The following TBC1D22A variants were observed in gnomAD, a reference collection of about 807,000 sequenced individuals.
The protein encoded by TBC1D22A is TBC1 domain family member 22A.
In TBC1D22A, 38 loss-of-function variants were observed where a neutral mutation model predicts 60.2. The ratio of observed to expected loss-of-function variants is 0.63; its 90% confidence interval spans 0.49 to 0.83. The LOEUF is 0.83. TBC1D22A is among the 40% of genes least tolerant of loss of function. The pLI is 0.00. For synonymous variants in TBC1D22A, 302 were observed against 281.7 expected, an observed-to-expected ratio of 1.07 and a Z score of -0.72; for missense variants, 628 against 701.0, an observed-to-expected ratio of 0.90 and a Z score of 1.18.
chr22:46,963,058 C>CA (rs770317078), intron 8 of TBC1D22A, among the ~76,000 whole-genome samples: 9,091 of 136,540 alleles, frequency 0.067, 378 homozygotes, highest in Non-Finnish European at 0.1. Flanking sequence ...ACTAAAAATA[C>CA]AAAAAAAAAA....
At chr22:47,142,410 C>T (rs1323723314) in intron 12 of TBC1D22A, among the ~76,000 whole-genome samples, 1 of 69,358 alleles carries the variant, frequency 1.4e-5, no homozygotes, top group Non-Finnish European at 3.2e-5. Flanking sequence ...CATCCTGCCA[C>T]CCACCCATCC....
intron 4 of TBC1D22A, among the ~76,000 whole-genome samples, chr22:46,812,970 G>C (rs559897027): frequency 1.3e-5 from 2 of 151,982 alleles, no homozygotes; most frequent in African/African-American, 4.8e-5. Flanking sequence ...AGAGTCTGTC[G>C]TGTCCGGAGC....
chr22:47,124,397 G>A (rs1035815630), intron 12 of TBC1D22A, among the ~76,000 whole-genome samples: 5 of 152,214 alleles, frequency 3.3e-5, no homozygotes, highest in East Asian at 1.9e-4. Context: ...GCTGAGAGCC[G>A]CCTGGAGGAC....
intron 7 of TBC1D22A, among the ~76,000 whole-genome samples, chr22:46,910,772 C>T (rs6009048): frequency 3.3e-5 from 5 of 151,690 alleles, no homozygotes; most frequent in Admixed American, 6.6e-5. Flanking sequence ...CCAGGGGAGT[C>T]GAGACCCAGG....
intron 1 of TBC1D22A, among the ~76,000 whole-genome samples, chr22:46,783,255 A>G (rs1178124746): frequency 6.6e-6 from 1 of 152,224 alleles, no homozygotes; most frequent in Non-Finnish European, 1.5e-5. Flanking sequence ...AAGAATGGGC[A>G]GACTTAGAGT....
At chr22:46,906,788 TG>T (rs1225197791) in intron 7 of TBC1D22A, among the ~76,000 whole-genome samples, 3 of 147,190 alleles carry the variant, frequency 2.0e-5, no homozygotes, top group Non-Finnish European at 4.4e-5. Flanking sequence ...ACTGTGTGTG[TG>T]TGTGTGTGTG....
At chr22:46,775,543 C>T (rs2083668442) in intron 1 of TBC1D22A, among the ~76,000 whole-genome samples, 1 of 152,138 alleles carries the variant, frequency 6.6e-6, no homozygotes, top group South Asian at 2.1e-4. Context: ...ATTGATGGTG[C>T]AGTAGGTGAT....
rs1469339073 is a variant in TBC1D22A at position 47,009,489 on chromosome 22, TTCATCACCATCATC to T, written c.1201+11781_1201+11794del. On this transcript the variant is annotated intron_variant, in intron 10 of 12. Coordinates refer to ENST00000337137, the MANE Select transcript of TBC1D22A (RefSeq NM_014346.5). This position sits in a 1 kb window ranked among gnomAD's most constrained non-coding sequence, Gnocchi z 5.8. ...CCATCGTCATCACTATCACCATCAT[TTCATCACCATCATC>T]ACCACCATCATCTTCACCATCACCA... 2.4e-5 allele frequency among the ~76,000 whole-genome samples: 2 copies of T among 83,742 alleles called. No individual in the cohort carries two copies. The highest frequency in any genetic ancestry group is 5.6e-5 in the Non-Finnish European group (2 of 35,404). 54.9% of individuals were successfully genotyped at this position (83,742 alleles called of 152,430 possible).
chr22:47,004,796 C>T (rs1325837239), intron 10 of TBC1D22A, among the ~76,000 whole-genome samples: 2 of 151,104 alleles, frequency 1.3e-5, no homozygotes, highest in Non-Finnish European at 3.0e-5. Context: ...ACACACACTC[C>T]TACACAAATG....
chr22:46,977,151 T>C (rs190249040), intron 9 of TBC1D22A, among the ~76,000 whole-genome samples: 1 of 152,344 alleles, frequency 6.6e-6, no homozygotes, highest in East Asian at 1.9e-4. Context: ...CTGGGATCTT[T>C]CCTAGCTGAA....
At chr22:47,164,135 G>A (rs2068102806) in intron 12 of TBC1D22A, among the ~76,000 whole-genome samples, 1 of 152,256 alleles carries the variant, frequency 6.6e-6, no homozygotes, top group African/African-American at 2.4e-5. Flanking sequence ...CAAGGGTGAG[G>A]CAAAGCTGGC....
intron 4 of TBC1D22A, among the ~76,000 whole-genome samples, chr22:46,857,077 G>A (rs886650180): frequency 3.9e-5 from 6 of 152,286 alleles, no homozygotes; most frequent in Admixed American, 6.5e-5. Context: ...CCATGGAAGG[G>A]GTGCCGTGGT....
chr22:47,053,142 G>A (rs1387698891), intron 11 of TBC1D22A, among the ~76,000 whole-genome samples: 2 of 151,682 alleles, frequency 1.3e-5, no homozygotes, highest in African/African-American at 4.8e-5. Context: ...ACCAGCCCAG[G>A]GCCTCACTGC....
intron 12 of TBC1D22A, among the ~76,000 whole-genome samples, chr22:47,122,512 C>T (rs1805983369): frequency 6.6e-6 from 1 of 152,146 alleles, no homozygotes; most frequent in Admixed American, 6.5e-5. Context: ...GTCCCCTGGG[C>T]CCAGCCCCTA....
intron 8 of TBC1D22A, among the ~76,000 whole-genome samples, chr22:46,923,250 C>T (rs2070858103): frequency 6.6e-6 from 1 of 152,200 alleles, no homozygotes; most frequent in Non-Finnish European, 1.5e-5. Context: ...GTGCAGCCTC[C>T]CCTTTGATTA....
chr22:47,119,626 A>G (rs561246888), intron 12 of TBC1D22A, among the ~76,000 whole-genome samples: 1 of 151,882 alleles, frequency 6.6e-6, no homozygotes, highest in Admixed American at 6.6e-5. Flanking sequence ...CCTCCTGAGT[A>G]GCTGGGACTA....
intron 3 of TBC1D22A, among the ~76,000 whole-genome samples, chr22:46,796,224 T>C (rs546663588): frequency 9.9e-4 from 151 of 152,292 alleles, no homozygotes; most frequent in Non-Finnish European, 1.6e-3. Flanking sequence ...GTCCCCACTT[T>C]AGCAGACTTT....
At chr22:46,773,892 C>G (rs1158859364) in intron 1 of TBC1D22A, 3 of 972,890 alleles carry the variant, frequency 3.1e-6, no homozygotes, top group Non-Finnish European at 3.7e-6. Flanking sequence ...CAAAGCCACA[C>G]AGCTCATAAG....
chr22:46,901,606 A>G (rs921420027), intron 7 of TBC1D22A, among the ~76,000 whole-genome samples: 3 of 152,200 alleles, frequency 2.0e-5, no homozygotes, highest in African/African-American at 7.2e-5. Flanking sequence ...TAGTTTTGGT[A>G]TACTCAGTGT....
Sources: allele counts gnomAD v4.1 joint callset (sites outside exome capture counted in the v4.1 genomes callset), GRCh38; gene constraint gnomAD v4.1.1; non-coding constraint Gnocchi (gnomAD v3.1); transcripts MANE v1.5; gene names NCBI Gene and HGNC (gene_info 2026-07-23, HGNC 2026-07-21).